FBRSL1: variants seen among roughly 807,000 people sequenced by gnomAD.
FBRSL1 encodes the protein fibrosin-1-like protein.
Under a neutral mutation model 89.6 loss-of-function variants are expected in FBRSL1, and 51 were observed. The observed-to-expected ratio is 0.57, with a 90% CI of 0.45 to 0.72. The LOEUF (loss-of-function observed/expected upper bound fraction) is 0.72, where lower values mean the gene tolerates loss of function less well. FBRSL1 is among the 30% of genes least tolerant of loss of function. The pLI is 0.00. For missense variants in FBRSL1, 1,618 were observed against 1,451.8 expected (o/e 1.11, Z -1.86); for synonymous variants, 779 against 681.1 (o/e 1.14, Z -2.24).
At chr12:132,525,464 G>A (rs1352620408) in intron 2 of FBRSL1, among the ~76,000 whole-genome samples, 2 of 152,186 alleles carry the variant, frequency 1.3e-5, no homozygotes, top group African/African-American at 4.8e-5. Flanking sequence ...GGTCCTCCCC[G>A]TCCTGGTAGA....
At chr12:132,565,004 C>T (rs2039497339) in intron 5 of FBRSL1, 1 of 152,162 alleles carries the variant, frequency 6.6e-6, no homozygotes, top group Admixed American at 6.5e-5. Flanking sequence ...CCCTTTTTAT[C>T]GTTTTAACCC....
rs534696895 is a variant in FBRSL1, at chr12:132,560,613, G to A, written c.646-6868G>A. Among the ~76,000 whole-genome samples, 31 of 152,266 alleles carry A rather than the reference G, an allele frequency of 2.0e-4. No individual in the cohort carries two copies. In the South Asian group the frequency reaches 5.0e-3, roughly 24 times the overall value. ...CTGGGGCGGGGCGCGGCTGGCCCAGGCTGCGCCGCGTGTCTGGCCGAGGCT... is the reference window on the plus strand; with the variant it reads ...CTGGGGCGGGGCGCGGCTGGCCCAGACTGCGCCGCGTGTCTGGCCGAGGCT... On this transcript the variant is annotated intron_variant, in intron 5 of 18. Coordinates refer to ENST00000680143, the MANE Select transcript of FBRSL1 (RefSeq NM_001367871.1).
Position 132,499,770 on chromosome 12 carries a change from C to G in FBRSL1, c.292-8383C>G, listed in dbSNP as rs1026533101. On this transcript the variant is annotated intron_variant, in intron 1 of 18. Transcript: ENST00000680143. This position sits in a 1 kb window ranked among gnomAD's most constrained non-coding sequence, Gnocchi z 4.3. Reference sequence around the variant, plus strand: ...CCTAAACTCCGTGAGATCAGGTGCTCTGGGGACTCAGGGCAAATGGGGTAC... The same window carrying G: ...CCTAAACTCCGTGAGATCAGGTGCTGTGGGGACTCAGGGCAAATGGGGTAC... Among the ~76,000 whole-genome samples the G allele has an allele frequency of 1.3e-5, 2 of 152,092 alleles. No individual in the cohort carries two copies. Among genetic ancestry groups the G allele is most frequent in the Admixed American group, 6.5e-5 (1 of 15,276 alleles).
intron 4 of FBRSL1, among the ~76,000 whole-genome samples, chr12:132,539,270 G>T (rs907754526): frequency 6.6e-6 from 1 of 152,046 alleles, no homozygotes; most frequent in South Asian, 2.1e-4. Flanking sequence ...GGAGCTGGCC[G>T]TCAGGTGGGC....
chr12:132,551,700 C>G (rs1191058599), intron 5 of FBRSL1: 1 of 407,170 alleles, frequency 2.5e-6, no homozygotes, highest in Non-Finnish European at 5.1e-6. Flanking sequence ...CACCACCTCC[C>G]TCACACTGTG....
intron 5 of FBRSL1, among the ~76,000 whole-genome samples, chr12:132,555,169 A>G (rs1291936726): frequency 1.3e-5 from 2 of 152,148 alleles, no homozygotes; most frequent in Non-Finnish European, 2.9e-5. Flanking sequence ...TGGGGGAGGT[A>G]CGTGTTTCCT....
chr12:132,532,722 G>A (rs1430836917), intron 4 of FBRSL1, among the ~76,000 whole-genome samples: 1 of 152,198 alleles, frequency 6.6e-6, no homozygotes, highest in Non-Finnish European at 1.5e-5. Context: ...AGTGCAGGAG[G>A]GTGGGAGGGG....
At chr12:132,529,536 TCCTGGGCTCTTCTCTGCCAC>T in intron 4 of FBRSL1, among the ~76,000 whole-genome samples, 1 of 151,634 alleles carries the variant, frequency 6.6e-6, no homozygotes, top group African/African-American at 2.4e-5. Context: ...AGCTCTACCA[TCCTGGGCTCTTCTCTGCCAC>T]CCTGGGCTCG....
At chr12:132,566,834 A>G (rs1337222267) in intron 5 of FBRSL1, among the ~76,000 whole-genome samples, 1 of 151,654 alleles carries the variant, frequency 6.6e-6, no homozygotes, top group African/African-American at 2.4e-5. Context: ...TCCCCAGCAC[A>G]TAATGCAGTG....
At chr12:132,564,885 T>C (rs1223636651) in intron 5 of FBRSL1, among the ~76,000 whole-genome samples, 2 of 152,096 alleles carry the variant, frequency 1.3e-5, no homozygotes, top group Non-Finnish European at 2.9e-5. Context: ...GGCCTCGGCC[T>C]CCCGCAGTGC....
intron 2 of FBRSL1, among the ~76,000 whole-genome samples, chr12:132,513,047 GC>G (rs2034513609): frequency 6.6e-6 from 1 of 152,248 alleles, no homozygotes. Flanking sequence ...GGACACTGCT[GC>G]CAGGCGTCGC....
intron 18 of FBRSL1, among the ~76,000 whole-genome samples, chr12:132,582,484 G>C (rs181150370): frequency 0.011 from 1,647 of 148,720 alleles, 33 homozygotes; most frequent in African/African-American, 0.039. Flanking sequence ...GTCCAGCTCT[G>C]CTGAGCCCCG....
At position 132,574,335 on chromosome 12, in the gene FBRSL1, G is replaced by T; in HGVS notation, c.1616G>T (p.Arg539Leu). 6.5e-7 allele frequency: 1 copy of T among 1,549,074 alleles called. No individual in the cohort carries two copies. Among genetic ancestry groups the T allele is most frequent in the Non-Finnish European group, 8.7e-7 (1 of 1,146,272 alleles). Residue 539 changes from arginine to leucine, a missense_variant, in exon 13 of 19, where the codon CGG (arginine) becomes CTG (leucine). Transcript: ENST00000680143. ...TCTCCACAGGTGTCTGACCCGTACC[G>T]GGCGGTGGTCAAGGTGAGCACGTGT... ...QKAPGVSDPY[R>L]AVVKKPGRWC...
At position 132,583,064 on chromosome 12, in the gene FBRSL1, C is replaced by G. The variant is rs1331593285; in HGVS notation, c.2295C>G (p.Ser765Arg). ...PVSGLLLRAQ[S>R]ELGRSGAPAE... The stretch of plus-strand genomic sequence containing the variant: ...GCGGCCTCCTGCTCCGGGCCCAGAG[C>G]GAGCTGGGCCGGTCCGGGGCCCCCG... The change falls in exon 19 of 19, where the codon AGC (serine) becomes AGG (arginine). Residue 765 changes from serine to arginine, a missense_variant. Transcript: ENST00000680143. The G allele has an allele frequency of 7.0e-7, 1 of 1,434,176 alleles. No individual in the cohort carries two copies. Among genetic ancestry groups the G allele is most frequent in the Non-Finnish European group, 9.1e-7 (1 of 1,099,466 alleles). The allele number at this position is 1,434,176 out of a possible 1,614,324, so 88.8% of individuals were successfully genotyped here.
chr12:132,504,307 T>G (rs2033400550), intron 1 of FBRSL1, among the ~76,000 whole-genome samples: 1 of 152,230 alleles, frequency 6.6e-6, no homozygotes, highest in Non-Finnish European at 1.5e-5. Context: ...TGGTTCACTG[T>G]AGCGTGATTA....
intron 2 of FBRSL1, among the ~76,000 whole-genome samples, chr12:132,521,762 C>T (rs1031097844): frequency 4.6e-5 from 7 of 152,176 alleles, no homozygotes; most frequent in South Asian, 2.1e-4. Context: ...CCCACCGTGC[C>T]GTATGTAGTG....
chr12:132,551,551 G>T (rs1216145634), intron 5 of FBRSL1: 1 of 456,338 alleles, frequency 2.2e-6, no homozygotes. Flanking sequence ...CACACCTGCG[G>T]GTTTGAGCTT....
chr12:132,496,942 C>G (rs2032141288), intron 1 of FBRSL1, among the ~76,000 whole-genome samples: 1 of 152,162 alleles, frequency 6.6e-6, no homozygotes, highest in Admixed American at 6.5e-5. Flanking sequence ...CCTTCCCAGG[C>G]CCTGCGGTGT....
At chr12:132,537,640 T>C (rs1170546040) in intron 4 of FBRSL1, among the ~76,000 whole-genome samples, 1 of 152,194 alleles carries the variant, frequency 6.6e-6, no homozygotes, top group African/African-American at 2.4e-5. Flanking sequence ...GGCTGGGCAG[T>C]GCTCCCTTGA....
Sources: gnomAD v4.1 joint callset for allele counts (sites outside exome capture counted in the v4.1 genomes callset) on GRCh38, gnomAD v4.1.1 for gene constraint, Gnocchi (gnomAD v3.1) non-coding constraint, MANE v1.5 for transcripts, NCBI Gene and HGNC (gene_info 2026-07-23, HGNC 2026-07-21) for gene names.